The following PKIG variants were observed in gnomAD, a reference collection of about 807,000 sequenced individuals.
PKIG encodes cAMP-dependent protein kinase inhibitor gamma, also known as protein kinase (cAMP-dependent, catalytic) inhibitor gamma.
In PKIG, 1 loss-of-function variant was observed where a neutral mutation model predicts 6.8. The ratio of observed to expected loss-of-function variants is 0.15; its 90% CI spans 0.05 to 0.69. PKIG has a LOEUF of 0.69. PKIG is among the 30% of genes least tolerant of loss of function. The pLI is 0.82. For synonymous variants in PKIG, 39 were observed against 43.0 expected (o/e 0.91, Z 0.36); for missense variants, 77 against 104.0 (o/e 0.74, Z 1.13).
intron 2 of PKIG, among the ~76,000 whole-genome samples, chr20:44,601,778 GA>G (rs201826683): frequency 1.3e-5 from 2 of 149,714 alleles, no homozygotes; most frequent in East Asian, 1.9e-4. Flanking sequence ...TTTTGAAAAA[GA>G]AAAAAAAACA....
intron 1 of PKIG, among the ~76,000 whole-genome samples, chr20:44,543,829 G>C (rs1035344908): frequency 6.6e-6 from 1 of 152,118 alleles, no homozygotes; most frequent in Non-Finnish European, 1.5e-5. Context: ...GTGGGAAGCC[G>C]AGGCGGGTGG....
chr20:44,567,531 A>G, intron 1 of PKIG, among the ~76,000 whole-genome samples: 1 of 151,626 alleles, frequency 6.6e-6, no homozygotes, highest in East Asian at 1.9e-4. Context: ...TTATCCTCAT[A>G]CTCATCTTGG....
At chr20:44,557,519 A>AC (rs1226254929) in intron 1 of PKIG, among the ~76,000 whole-genome samples, 4 of 116,094 alleles carry the variant, frequency 3.4e-5, no homozygotes, top group South Asian at 2.9e-4. Flanking sequence ...GTGACAGGTG[A>AC]CAAAAAAAAA....
At chr20:44,542,399 C>T (rs2064570393) in intron 1 of PKIG, among the ~76,000 whole-genome samples, 1 of 151,468 alleles carries the variant, frequency 6.6e-6, no homozygotes, top group Admixed American at 6.6e-5. Context: ...TGCTAATCAC[C>T]AGAATGAAAC....
intron 3 of PKIG, among the ~76,000 whole-genome samples, chr20:44,615,928 C>T (rs2065260338): frequency 6.6e-6 from 1 of 152,114 alleles, no homozygotes; most frequent in Non-Finnish European, 1.5e-5. Context: ...GCCCCCAGCA[C>T]CCTGTCGACG....
At chr20:44,595,872 C>T (rs2065071414) in intron 2 of PKIG, among the ~76,000 whole-genome samples, 1 of 152,206 alleles carries the variant, frequency 6.6e-6, no homozygotes, top group Admixed American at 6.5e-5. Context: ...CACGAAAATG[C>T]ATGCCCAGCA....
rs747969443 is a variant in PKIG at position 44,566,782 on chromosome 20, G to T, written c.-240-15803G>T. 3.6e-4 allele frequency among the ~76,000 whole-genome samples: 55 copies of T among 152,126 alleles called. 1 individual carries two copies. The highest frequency in any genetic ancestry group is 4.6e-4 in the Admixed American group (7 of 15,266). On this transcript the variant is annotated intron_variant, in intron 1 of 4. Coordinates refer to the PKIG transcript ENST00000372887. ...AATTGCTTGAACCCAGAAGGTAGAGGTTACAGTGAGCCAAGATTGTACTAC... is the reference window on the plus strand; with the variant it reads ...AATTGCTTGAACCCAGAAGGTAGAGTTTACAGTGAGCCAAGATTGTACTAC...
chr20:44,547,760 C>T (rs1269089606), intron 1 of PKIG, among the ~76,000 whole-genome samples: 2 of 152,084 alleles, frequency 1.3e-5, no homozygotes, highest in Non-Finnish European at 2.9e-5. Context: ...ATTGGCGGGG[C>T]GCGGTTGCTC....
chr20:44,608,815 A>G (rs2065189494), intron 2 of PKIG, among the ~76,000 whole-genome samples: 1 of 162 alleles, frequency 6.2e-3, no homozygotes. Context: ...AAAAAAAAAA[A>G]ATACTATGAG....
intron 1 of PKIG, among the ~76,000 whole-genome samples, chr20:44,569,605 AT>A (rs1254309588): frequency 6.6e-6 from 1 of 151,742 alleles, no homozygotes. Flanking sequence ...TTATTTTGTC[AT>A]TTTATTTATT....
At chr20:44,612,550 C>G (rs2065228936) in intron 2 of PKIG, among the ~76,000 whole-genome samples, 1 of 152,162 alleles carries the variant, frequency 6.6e-6, no homozygotes, top group African/African-American at 2.4e-5. Flanking sequence ...ATGAGAGATA[C>G]TAGTATCCCC....
At chr20:44,556,201 C>T (rs2064711698) in intron 1 of PKIG, among the ~76,000 whole-genome samples, 1 of 152,138 alleles carries the variant, frequency 6.6e-6, no homozygotes, top group Non-Finnish European at 1.5e-5. Flanking sequence ...CATTTATTAC[C>T]TAAAATAATC....
At chr20:44,602,633 G>C (rs2065130964) in intron 2 of PKIG, among the ~76,000 whole-genome samples, 1 of 150,894 alleles carries the variant, frequency 6.6e-6, no homozygotes, top group Non-Finnish European at 1.5e-5. Flanking sequence ...AGGAGTTCAA[G>C]ATTAACCTGG....
intron 1 of PKIG, among the ~76,000 whole-genome samples, chr20:44,571,045 C>T (rs553093397): frequency 8.6e-4 from 131 of 152,086 alleles, no homozygotes; most frequent in African/African-American, 3.0e-3. Flanking sequence ...ACCAGCCTGG[C>T]CAACATGGTG....
At chr20:44,577,114 G>A (rs1402001326) in intron 1 of PKIG, among the ~76,000 whole-genome samples, 1 of 151,360 alleles carries the variant, frequency 6.6e-6, no homozygotes, top group Admixed American at 6.6e-5. Flanking sequence ...GTATGTGTGT[G>A]TGGTTTTTTT....
rs973983845 is a variant in PKIG at position 44,618,873 on chromosome 20, T to C, written c.*509T>C. On this transcript the variant is annotated 3_prime_UTR_variant, in exon 4 of 4. Coordinates refer to ENST00000372886, the MANE Select transcript of PKIG (RefSeq NM_001281445.2). ...AATCAATTCACATTTTTTAAGCCAT[T>C]TTAGCTAAACTGTCATTGTGCATCT... 4 of 158,678 alleles carry C rather than the reference T, an allele frequency of 2.5e-5. No homozygotes were observed. Among genetic ancestry groups the C allele is most frequent in the African/African-American group, 9.6e-5 (4 of 41,456 alleles). 9.8% of individuals were successfully genotyped at this position (158,678 alleles called of 1,614,324 possible).
intron 1 of PKIG, among the ~76,000 whole-genome samples, chr20:44,532,167 T>A (rs1331270532): frequency 6.6e-6 from 1 of 152,010 alleles, no homozygotes; most frequent in Non-Finnish European, 1.5e-5. Flanking sequence ...TCAGGGAGAG[T>A]CCGTTTTCGG....
intron 1 of PKIG, among the ~76,000 whole-genome samples, chr20:44,577,297 T>C (rs2064907210): frequency 1.3e-5 from 2 of 151,818 alleles, no homozygotes; most frequent in African/African-American, 4.8e-5. Flanking sequence ...CCCAGCTAAT[T>C]TTTTTGTGTT....
intron 1 of PKIG, among the ~76,000 whole-genome samples, chr20:44,554,084 T>G (rs1320577520): frequency 6.6e-6 from 1 of 152,088 alleles, no homozygotes; most frequent in Non-Finnish European, 1.5e-5. Flanking sequence ...AAATTTTTTT[T>G]TTTTTGAGAC....
Sources: allele counts gnomAD v4.1 joint callset (sites outside exome capture counted in the v4.1 genomes callset), GRCh38; gene constraint gnomAD v4.1.1; transcripts MANE v1.5; gene names NCBI Gene and HGNC (gene_info 2026-07-23, HGNC 2026-07-21).